The following KCNQ5 variants were observed in gnomAD, a reference collection of about 807,000 sequenced individuals.
KCNQ5 encodes the protein potassium voltage-gated channel subfamily Q member 5, also known as potassium voltage-gated channel subfamily KQT member 5.
A neutral mutation model predicts 98.2 loss-of-function variants in KCNQ5; 30 were observed. The ratio of observed to expected loss-of-function variants is 0.31; its 90% CI spans 0.23 to 0.41. KCNQ5 has a LOEUF of 0.41. KCNQ5 is among the 10% of genes least tolerant of loss of function. KCNQ5 has a pLI of 1.00. For synonymous variants in KCNQ5, 458 were observed against 449.4 expected (o/e 1.02, Z -0.24); for missense variants, 835 against 1,182.5 (o/e 0.71, Z 4.31).
At chr6:72,875,573 C>T (rs1778374785) in intron 1 of KCNQ5, among the ~76,000 whole-genome samples, 1 of 152,102 alleles carries the variant, frequency 6.6e-6, no homozygotes, top group African/African-American at 2.4e-5. Context: ...TTGGCAGAAA[C>T]TTCTTTCATT....
intron 1 of KCNQ5, among the ~76,000 whole-genome samples, chr6:72,652,669 G>A (rs750691932): frequency 2.0e-5 from 3 of 151,950 alleles, no homozygotes; most frequent in Admixed American, 6.6e-5. Context: ...GGGATTTCTC[G>A]TGGGCTTTTG....
intron 2 of KCNQ5, among the ~76,000 whole-genome samples, chr6:73,038,350 GTTT>G (rs149035613): frequency 6.6e-6 from 1 of 150,688 alleles, no homozygotes; most frequent in Admixed American, 6.6e-5. Context: ...CAAACTGCAT[GTTT>G]TTTTTTTCTT....
chr6:72,897,761 G>C (rs532748249), intron 1 of KCNQ5, among the ~76,000 whole-genome samples: 1 of 152,304 alleles, frequency 6.6e-6, no homozygotes, highest in South Asian at 2.1e-4. Flanking sequence ...GTAAGGAAGG[G>C]AGGACCACAG....
At chr6:72,864,179 T>C (rs1037775176) in intron 1 of KCNQ5, among the ~76,000 whole-genome samples, 1 of 152,212 alleles carries the variant, frequency 6.6e-6, no homozygotes, top group Non-Finnish European at 1.5e-5. Context: ...TCCCTTGTAC[T>C]CTACACCTAC....
Position 73,195,371 on chromosome 6 carries a change from A to G in KCNQ5, c.2756A>G (p.Glu919Gly), listed in dbSNP as rs1562230501. The G allele has an allele frequency of 6.2e-7, 1 of 1,614,166 alleles. No individual in the cohort carries two copies. The highest frequency in any genetic ancestry group is 8.5e-7 in the Non-Finnish European group (1 of 1,180,014). The part of the protein sequence containing the change: ...RSSQSICKAG[E>G]STDALSLPHV... ...TCTCAGAGCATTTGTAAGGCAGGAGAAAGTACAGATGCCCTCAGCTTGCCT... is the reference window on the plus strand; with the variant it reads ...TCTCAGAGCATTTGTAAGGCAGGAGGAAGTACAGATGCCCTCAGCTTGCCT... Residue 919 changes from glutamate to glycine, a missense_variant, in exon 14 of 14, where the codon GAA (glutamate) becomes GGA (glycine). Physicochemically the swap from Glu to Gly is moderately conservative, Grantham distance 98. Around this residue, in one of 10 missense-constraint regions of KCNQ5, gnomAD observed 416 missense variants for 446.9 expected, o/e 0.93. Coordinates refer to ENST00000370398, the MANE Select transcript of KCNQ5 (RefSeq NM_019842.4).
intron 1 of KCNQ5, among the ~76,000 whole-genome samples, chr6:72,732,319 G>A (rs1446794789): frequency 6.6e-6 from 1 of 152,114 alleles, no homozygotes; most frequent in African/African-American, 2.4e-5. Flanking sequence ...CATTAGGAAG[G>A]GGAGGGGAGG....
In KCNQ5 at chr6:72,900,920, A is replaced by C. The variant is rs149389450; in HGVS notation, c.399-102988A>C. On this transcript the variant is annotated intron_variant, in intron 1 of 13. Transcript: ENST00000370398. ...TATTAGCGATTTTGAGCATTTGTTC[A>C]TATGTTTGTTGGCCATTTGTATATC... Among the ~76,000 whole-genome samples the C allele has an allele frequency of 6.5e-4, 99 of 152,150 alleles. No homozygotes were observed. The East Asian group carries it at 0.015, about 23-fold the overall frequency.
chr6:73,177,703 G>A (rs758348533), intron 11 of KCNQ5, among the ~76,000 whole-genome samples: 1 of 152,212 alleles, frequency 6.6e-6, no homozygotes, highest in Non-Finnish European at 1.5e-5. Context: ...TTTTAGCAGA[G>A]GTGATGAGTC....
rs1775229465 is a variant in KCNQ5, at chr6:73,111,243, TA to T, written c.1030-63del. The T allele has an allele frequency of 5.4e-6, 6 of 1,107,492 alleles. No individual in the cohort carries two copies. The East Asian group carries it at 7.1e-5, about 13-fold the overall frequency. 68.6% of individuals were successfully genotyped at this position (1,107,492 alleles called of 1,614,324 possible). On this transcript the variant is annotated intron_variant, in intron 6 of 13. Transcript: ENST00000370398. ...TCTCAGACTCATTTTAGTGACTTTT[TA>T]ATATTTGTATTATTTAACAGTGCTT...
chr6:72,721,281 G>A (rs1368573320), intron 1 of KCNQ5, among the ~76,000 whole-genome samples: 2 of 152,076 alleles, frequency 1.3e-5, no homozygotes, highest in Non-Finnish European at 2.9e-5. Flanking sequence ...TCTGAAACAG[G>A]TAACTTTTTT....
chr6:73,101,809 A>C (rs1475690328), intron 5 of KCNQ5, among the ~76,000 whole-genome samples: 3 of 152,196 alleles, frequency 2.0e-5, no homozygotes. Flanking sequence ...TTATTGTTAA[A>C]ATTTCCATAT....
At chr6:72,803,874 T>C (rs1774804706) in intron 1 of KCNQ5, among the ~76,000 whole-genome samples, 2 of 152,234 alleles carry the variant, frequency 1.3e-5, no homozygotes, top group South Asian at 2.1e-4. Context: ...AGCCCAATAA[T>C]CTTCCTTTGA....
chr6:72,840,985 T>C (rs1275972228), intron 1 of KCNQ5, among the ~76,000 whole-genome samples: 3 of 152,176 alleles, frequency 2.0e-5, no homozygotes. Flanking sequence ...CACTAAAGTA[T>C]CCAGACTATT....
At chr6:72,708,931 CATGAT>C (rs1179323145) in intron 1 of KCNQ5, among the ~76,000 whole-genome samples, 4 of 152,114 alleles carry the variant, frequency 2.6e-5, no homozygotes, top group Admixed American at 6.6e-5. Flanking sequence ...AGGTTCCTAC[CATGAT>C]ATGGTGGAAG....
intron 10 of KCNQ5, chr6:73,158,128 C>T (rs1432518449): frequency 1.5e-5 from 6 of 404,688 alleles, no homozygotes; most frequent in African/African-American, 1.0e-4. Flanking sequence ...CCTCCCGCTA[C>T]AGGTTGCTCC....
At chr6:72,682,853 G>T (rs1767773081) in intron 1 of KCNQ5, among the ~76,000 whole-genome samples, 1 of 152,132 alleles carries the variant, frequency 6.6e-6, no homozygotes, top group Non-Finnish European at 1.5e-5. Flanking sequence ...GACCTAATCT[G>T]CTGATTTTTT....
intron 1 of KCNQ5, among the ~76,000 whole-genome samples, chr6:72,859,787 G>T (rs1777688118): frequency 6.6e-6 from 1 of 151,842 alleles, no homozygotes. Flanking sequence ...ACAGGGTTTT[G>T]CCCTGTTTCT....
At chr6:72,832,186 T>C (rs1776303479) in intron 1 of KCNQ5, among the ~76,000 whole-genome samples, 1 of 151,828 alleles carries the variant, frequency 6.6e-6, no homozygotes, top group African/African-American at 2.4e-5. Context: ...GATGTGGCAA[T>C]GGATAAGATG....
intron 1 of KCNQ5, among the ~76,000 whole-genome samples, chr6:72,665,103 T>C (rs891952883): frequency 6.6e-6 from 1 of 152,036 alleles, no homozygotes; most frequent in African/African-American, 2.4e-5. Flanking sequence ...ATCCCAGCAC[T>C]TTGGGAGGCC....
Sources: allele counts gnomAD v4.1 joint callset (sites outside exome capture counted in the v4.1 genomes callset), GRCh38; gene constraint gnomAD v4.1.1; regional missense constraint gnomAD v4.1.1; transcripts MANE v1.5; gene names NCBI Gene and HGNC (gene_info 2026-07-23, HGNC 2026-07-21).